The following PLEKHA5 variants were observed in gnomAD, a reference collection of about 807,000 sequenced individuals.
PLEKHA5 encodes the protein pleckstrin homology domain-containing family A member 5.
PLEKHA5 carries 55 observed loss-of-function variants against 181.9 expected under a neutral mutation model. The observed-to-expected ratio is 0.30, with a 90% confidence interval of 0.24 to 0.38. The LOEUF (loss-of-function observed/expected upper bound fraction) is 0.38. PLEKHA5 is among the 10% of genes least tolerant of loss of function. PLEKHA5 has a pLI of 1.00. For missense variants in PLEKHA5, 1,432 were observed against 1,549.5 expected, an observed-to-expected ratio of 0.92 and a Z score of 1.27; for synonymous variants, 535 against 529.4, an observed-to-expected ratio of 1.01 and a Z score of -0.15.
intron 3 of PLEKHA5, among the ~76,000 whole-genome samples, chr12:19,160,493 A>C (rs568943824): frequency 2.0e-5 from 3 of 152,146 alleles, no homozygotes; most frequent in African/African-American, 7.2e-5. Context: ...AGAATATCAC[A>C]CCAAAAAATG....
At chr12:19,203,521 C>G (rs1265663796) in intron 3 of PLEKHA5, among the ~76,000 whole-genome samples, 1 of 152,056 alleles carries the variant, frequency 6.6e-6, no homozygotes, top group Non-Finnish European at 1.5e-5. Context: ...GCTGTTTCCT[C>G]CTCTTTCTCT....
intron 15 of PLEKHA5, among the ~76,000 whole-genome samples, chr12:19,295,353 G>A (rs2152872402): frequency 6.6e-6 from 1 of 152,126 alleles, no homozygotes; most frequent in African/African-American, 2.4e-5. Context: ...TTATTTTTCT[G>A]CCTAACAGAA....
intron 27 of PLEKHA5, 64 bp from the exon 28 acceptor site, chr12:19,359,348 C>G: frequency 2.2e-6 from 3 of 1,395,252 alleles, no homozygotes; most frequent in Non-Finnish European, 2.0e-6. Context: ...TTAACAGGCA[C>G]TATTTATAAA....
intron 3 of PLEKHA5, among the ~76,000 whole-genome samples, chr12:19,218,399 T>A (rs2058363869): frequency 2.0e-5 from 3 of 152,158 alleles, no homozygotes. Flanking sequence ...AGTGATTTTT[T>A]AAAAAGTGAT....
chr12:19,321,767 G>A (rs1038912880), intron 18 of PLEKHA5: 1 of 152,052 alleles, frequency 6.6e-6, no homozygotes, highest in African/African-American at 2.4e-5. Context: ...AAATGGCAAA[G>A]AAAGTAAAGT....
intron 28 of PLEKHA5, among the ~76,000 whole-genome samples, chr12:19,361,054 C>T (rs1356970782): frequency 6.6e-6 from 1 of 151,894 alleles, no homozygotes; most frequent in African/African-American, 2.4e-5. Flanking sequence ...TGTGCCCGGC[C>T]TGCATCATCT....
At chr12:19,329,224 C>G (rs1303445622) in intron 20 of PLEKHA5, among the ~76,000 whole-genome samples, 1 of 152,148 alleles carries the variant, frequency 6.6e-6, no homozygotes, top group Non-Finnish European at 1.5e-5. Flanking sequence ...TGATATGCCA[C>G]TGAATTTGGC....
At chr12:19,140,815 G>A (rs2037035747) in intron 3 of PLEKHA5, among the ~76,000 whole-genome samples, 1 of 152,266 alleles carries the variant, frequency 6.6e-6, no homozygotes, top group African/African-American at 2.4e-5. Context: ...TGGAGACAGA[G>A]TCTCGCTCTG....
chr12:19,363,142 T>G (rs12303716), intron 29 of PLEKHA5, among the ~76,000 whole-genome samples: 97,946 of 149,018 alleles, frequency 0.66, 35,058 homozygotes, highest in Non-Finnish European at 0.81. Context: ...TGTTGTTGTT[T>G]TTTTGTTTTT....
intron 21 of PLEKHA5, among the ~76,000 whole-genome samples, chr12:19,338,753 A>G (rs2093650618): frequency 6.6e-6 from 1 of 151,464 alleles, no homozygotes; most frequent in Admixed American, 6.6e-5. Flanking sequence ...AATCAGCTAC[A>G]GGCACCTGTA....
chr12:19,236,038 A>G (rs7316907), intron 3 of PLEKHA5, among the ~76,000 whole-genome samples: 12,670 of 152,286 alleles, frequency 0.083, 767 homozygotes, highest in African/African-American at 0.17. Context: ...CTGAGCAGTC[A>G]TCACAAAAGG....
At chr12:19,296,328 C>T (rs2079789509) in intron 15 of PLEKHA5, among the ~76,000 whole-genome samples, 1 of 151,998 alleles carries the variant, frequency 6.6e-6, no homozygotes, top group South Asian at 2.1e-4. Context: ...GGGTGGATCA[C>T]CTGAGGTCAG....
intron 3 of PLEKHA5, among the ~76,000 whole-genome samples, chr12:19,227,153 C>T (rs1374298413): frequency 6.6e-6 from 1 of 152,064 alleles, no homozygotes; most frequent in East Asian, 1.9e-4. Context: ...AATTACATTT[C>T]CATTGATTAA....
chr12:19,306,691 A>G (rs2083843155), intron 15 of PLEKHA5: 18 of 1,469,742 alleles, frequency 1.2e-5, no homozygotes, highest in Non-Finnish European at 1.7e-5. Context: ...GCAGATGCGG[A>G]CTCTCTTCGG....
chr12:19,314,775 A>C, intron 15 of PLEKHA5, 39 bp from the exon 16 acceptor site: 1 of 1,079,016 alleles, frequency 9.3e-7, no homozygotes, highest in Non-Finnish European at 1.4e-6. Context: ...CTATGCTGTA[A>C]ACTGATGTTT....
chr12:19,266,550 G>A (rs577171066), intron 8 of PLEKHA5, among the ~76,000 whole-genome samples: 3 of 152,094 alleles, frequency 2.0e-5, no homozygotes, highest in South Asian at 4.2e-4. Context: ...TCAGGAGGCC[G>A]AGTTGGACAG....
At chr12:19,169,630 T>C (rs1215318023) in intron 3 of PLEKHA5, among the ~76,000 whole-genome samples, 1 of 152,174 alleles carries the variant, frequency 6.6e-6, no homozygotes, top group African/African-American at 2.4e-5. Flanking sequence ...TCAGGAAATA[T>C]GTGATTGGAA....
chr12:19,228,484 A>G (rs1274777198), intron 3 of PLEKHA5, among the ~76,000 whole-genome samples: 1 of 152,160 alleles, frequency 6.6e-6, no homozygotes, highest in African/African-American at 2.4e-5. Context: ...CTATTGCAAA[A>G]TGAGCTCTAA....
chr12:19,163,277 C>T (rs748521927), intron 3 of PLEKHA5, among the ~76,000 whole-genome samples: 2 of 151,626 alleles, frequency 1.3e-5, no homozygotes. Context: ...CCTGGGTTCA[C>T]GCCATTCTCC....
Sources: gnomAD v4.1 joint callset for allele counts (sites outside exome capture counted in the v4.1 genomes callset) on GRCh38, gnomAD v4.1.1 for gene constraint, MANE v1.5 for transcripts, NCBI Gene and HGNC (gene_info 2026-07-23, HGNC 2026-07-21) for gene names.